Variants in FAR2 observed in about 807,000 individuals in gnomAD.
The protein encoded by FAR2 is fatty acyl-CoA reductase 2.
A neutral mutation model predicts 56.0 loss-of-function variants in FAR2; 19 were observed. The observed-to-expected ratio is 0.34, with a 90% CI of 0.24 to 0.50. The LOEUF is 0.50. FAR2 is among the 20% of genes least tolerant of loss of function. The pLI, the probability that FAR2 is intolerant of heterozygous loss-of-function variation, is 0.98. For missense variants in FAR2, 508 were observed against 642.2 expected, an observed-to-expected ratio of 0.79 and a Z score of 2.26; for synonymous variants, 219 against 218.8, an observed-to-expected ratio of 1.00 and a Z score of -0.01.
intron 4 of FAR2, among the ~76,000 whole-genome samples, chr12:29,297,824 T>A (rs1270766874): frequency 1.3e-5 from 2 of 152,126 alleles, no homozygotes; most frequent in Non-Finnish European, 2.9e-5. Context: ...GGCGGGTGGA[T>A]CACCTGAGTC....
chr12:29,249,206 G>T (rs1031051905), intron 1 of FAR2, among the ~76,000 whole-genome samples: 1 of 152,176 alleles, frequency 6.6e-6, no homozygotes, highest in Non-Finnish European at 1.5e-5. Flanking sequence ...ACAGGCATAA[G>T]AAATTATAAA....
At chr12:29,293,504 G>A in intron 3 of FAR2, 29 bp downstream of exon 3, 1 of 1,393,674 alleles carries the variant, frequency 7.2e-7, no homozygotes, top group Non-Finnish European at 9.4e-7. Flanking sequence ...CTCATGGCTT[G>A]TATACATATG....
chr12:29,166,884 C>T (rs762030199), intron 1 of FAR2, among the ~76,000 whole-genome samples: 6 of 152,156 alleles, frequency 3.9e-5, no homozygotes, highest in Non-Finnish European at 7.3e-5. Context: ...AAACTCCCCA[C>T]GATCCCTGCC....
intron 1 of FAR2, among the ~76,000 whole-genome samples, chr12:29,260,469 A>T (rs1213232349): frequency 2.6e-5 from 4 of 152,140 alleles, no homozygotes; most frequent in Admixed American, 6.5e-5. Context: ...CACTCAGTGT[A>T]CTCTGCCACA....
rs1384355713 is a variant in FAR2 at position 29,225,651 on chromosome 12, G to A, written c.-38-44761G>A. The stretch of plus-strand genomic sequence containing the variant: ...AACTCATATAGAACCTAGCCTTTCC[G>A]CTGCCCTAAGACAATGGGGCAAATG... On this transcript the variant is annotated intron_variant, in intron 1 of 11. Coordinates refer to ENST00000536681, the MANE Select transcript of FAR2 (RefSeq NM_001271783.2). Among the ~76,000 whole-genome samples the A allele has an allele frequency of 5.3e-5, 8 of 152,070 alleles. No homozygotes were observed. In the East Asian group the frequency reaches 5.8e-4, roughly 11 times the overall value.
At chr12:29,178,527 T>C (rs1591833802) in intron 1 of FAR2, among the ~76,000 whole-genome samples, 1 of 152,068 alleles carries the variant, frequency 6.6e-6, no homozygotes, top group African/African-American at 2.4e-5. Context: ...GCCTGGGACG[T>C]CGAGTCACAG....
intron 1 of FAR2, among the ~76,000 whole-genome samples, chr12:29,197,958 A>G (rs1020565201): frequency 6.6e-6 from 1 of 152,234 alleles, no homozygotes; most frequent in Non-Finnish European, 1.5e-5. Context: ...AATGATCAAC[A>G]TAGCTTAATG....
intron 1 of FAR2, among the ~76,000 whole-genome samples, chr12:29,247,251 G>A (rs1405762248): frequency 6.6e-6 from 1 of 152,182 alleles, no homozygotes; most frequent in Non-Finnish European, 1.5e-5. Context: ...ATATGTGGCA[G>A]TGACTAAGCT....
chr12:29,168,994 G>A (rs2136584895), intron 1 of FAR2, among the ~76,000 whole-genome samples: 2 of 152,270 alleles, frequency 1.3e-5, no homozygotes, highest in Admixed American at 1.3e-4. Context: ...CAATCCTTTA[G>A]CTAGACACAG....
chr12:29,157,201 G>T (rs905898799), intron 1 of FAR2, among the ~76,000 whole-genome samples: 4 of 135,182 alleles, frequency 3.0e-5, no homozygotes, highest in African/African-American at 8.3e-5. Context: ...AAACAATGTG[G>T]TTAAACAATG....
At chr12:29,225,771 A>G (rs1336724342) in intron 1 of FAR2, among the ~76,000 whole-genome samples, 1 of 152,216 alleles carries the variant, frequency 6.6e-6, no homozygotes, top group African/African-American at 2.4e-5. Flanking sequence ...TGTTTATCAC[A>G]TTAGTGCACC....
intron 10 of FAR2, among the ~76,000 whole-genome samples, chr12:29,326,127 T>C (rs1949641037): frequency 6.6e-6 from 1 of 152,104 alleles, no homozygotes; most frequent in African/African-American, 2.4e-5. Context: ...TAAACACCTC[T>C]ATGCAAATAA....
intron 1 of FAR2, among the ~76,000 whole-genome samples, chr12:29,203,962 C>T (rs904837832): frequency 4.6e-5 from 6 of 129,124 alleles, no homozygotes; most frequent in African/African-American, 5.7e-5. Flanking sequence ...ATTGCGCCAC[C>T]ACACTCCAGC....
At chr12:29,187,541 G>A (rs1027980208) in intron 1 of FAR2, among the ~76,000 whole-genome samples, 2 of 152,166 alleles carry the variant, frequency 1.3e-5, no homozygotes, top group Non-Finnish European at 2.9e-5. Flanking sequence ...TCATGAGAAA[G>A]AGGCAATCAT....
At chr12:29,149,843 G>A (rs1006375548) in intron 1 of FAR2, among the ~76,000 whole-genome samples, 4 of 152,194 alleles carry the variant, frequency 2.6e-5, no homozygotes, top group East Asian at 1.9e-4. Context: ...GAAAATGCCG[G>A]GGCCACGTGT....
intron 1 of FAR2, among the ~76,000 whole-genome samples, chr12:29,218,094 C>T (rs571832206): frequency 6.6e-4 from 101 of 151,958 alleles, no homozygotes; most frequent in African/African-American, 2.1e-3. Flanking sequence ...TGGTGGCTCA[C>T]GCCTGTAATC....
chr12:29,179,934 A>G (rs1949976905), intron 1 of FAR2, among the ~76,000 whole-genome samples: 1 of 152,194 alleles, frequency 6.6e-6, no homozygotes, highest in African/African-American at 2.4e-5. Flanking sequence ...CAAACAAACA[A>G]AAAAACCTTG....
rs1039019422 is a variant in FAR2, at chr12:29,335,115, C to CA, written c.*1322dup. The CA allele has an allele frequency of 4.9e-4, 75 of 152,194 alleles. No individual in the cohort carries two copies. The highest frequency in any genetic ancestry group is 3.4e-3 in the Middle Eastern group (1 of 294). The allele number at this position is 152,194 out of a possible 1,614,324, so 9.4% of individuals were successfully genotyped here. A position where few individuals can be genotyped will look rare whatever the true frequency, so the allele number is the denominator to read the frequency against. ...TCACCGCATAACTAGTTGAAAATGG[C>CA]ATAGGCATAAAATGTTAATAAAGAA... is the stretch of plus-strand genomic sequence containing the variant. On this transcript the variant is annotated 3_prime_UTR_variant, in exon 12 of 12. Transcript: ENST00000536681.
chr12:29,203,938 T>C (rs1947446506), intron 1 of FAR2, among the ~76,000 whole-genome samples: 1 of 130,980 alleles, frequency 7.6e-6, no homozygotes, highest in Admixed American at 1.0e-4. Context: ...AGGCGGAGCT[T>C]GCAGTGAGCC....
Sources: allele counts gnomAD v4.1 joint callset (sites outside exome capture counted in the v4.1 genomes callset), GRCh38; gene constraint gnomAD v4.1.1; transcripts MANE v1.5; gene names NCBI Gene and HGNC (gene_info 2026-07-23, HGNC 2026-07-21).